Variants in UGDH observed in about 807,000 individuals in gnomAD.
UGDH encodes the protein UDP-Glc dehydrogenase.
A neutral mutation model predicts 50.6 loss-of-function variants in UGDH; 38 were observed. The observed-to-expected ratio is 0.75, with a 90% CI of 0.58 to 0.98. UGDH has a LOEUF of 0.98. Ranked by LOEUF, UGDH falls within the 50% of genes least tolerant of loss-of-function variation. UGDH has a pLI of 0.00. For missense variants in UGDH, 465 were observed against 606.2 expected, an observed-to-expected ratio of 0.77 and a Z score of 2.45; for synonymous variants, 168 against 199.9, an observed-to-expected ratio of 0.84 and a Z score of 1.35.
At chr4:39,501,190 A>C (rs1398168799) in intron 11 of UGDH, among the ~76,000 whole-genome samples, 1 of 144,576 alleles carries the variant, frequency 6.9e-6, no homozygotes, top group African/African-American at 2.6e-5. Context: ...CTGGTCTCGA[A>C]CTCCTGACTT....
At chr4:39,522,984 A>G (rs1159433993) in intron 1 of UGDH, among the ~76,000 whole-genome samples, 1 of 151,748 alleles carries the variant, frequency 6.6e-6, no homozygotes, top group African/African-American at 2.4e-5. Context: ...GATGGTCTGG[A>G]TTTCTTGACC....
chr4:39,500,097 A>G lies in UGDH; in HGVS notation c.*46T>C. ...AGCAGATAGATATTTGCTATCCTGA[A>G]GTACCAAAAAAAAAAAAAAAAAATC... On this transcript the variant is annotated 3_prime_UTR_variant, in exon 12 of 12. Transcript: ENST00000316423. 9.0e-7 allele frequency: 1 copy of G among 1,116,356 alleles called. No homozygotes were observed. Among genetic ancestry groups the G allele is most frequent in the Non-Finnish European group, 1.3e-6 (1 of 795,104 alleles). 69.2% of individuals were successfully genotyped at this position (1,116,356 alleles called of 1,614,324 possible).
chr4:39,505,842 C>A, intron 7 of UGDH, 94 bp from the exon 8 acceptor site: 10 of 1,225,626 alleles, frequency 8.2e-6, no homozygotes, highest in South Asian at 2.3e-5. Context: ...TGCTATTGTA[C>A]AAATACAATG....
chr4:39,510,401 T>C lies in UGDH; in HGVS notation c.615A>G (p.Arg205=), dbSNP rs1578269809. 1 of 1,614,192 alleles carries C rather than the reference T, an allele frequency of 6.2e-7. No individual in the cohort carries two copies. The highest frequency in any genetic ancestry group is 1.1e-5 in the South Asian group (1 of 91,078). The change falls in exon 5 of 12, where the codon AGA becomes AGG. Residue 205 remains arginine, a synonymous_variant. Coordinates refer to ENST00000316423, the MANE Select transcript of UGDH (RefSeq NM_003359.4). ...LCAVYEHWVP[R]EKILTTNTWS... is the part of the protein sequence containing the mutation. Reference sequence around the variant, plus strand: ...AAGTATTAGTGGTGAGGATCTTTTCTCTGGGAACCCAGTGCTCATATACAG... The same window carrying C: ...AAGTATTAGTGGTGAGGATCTTTTCCCTGGGAACCCAGTGCTCATATACAG...
intron 4 of UGDH, 45 bp from the exon 5 acceptor site, chr4:39,510,595 TG>T (rs769168824): frequency 6.2e-7 from 1 of 1,613,864 alleles, no homozygotes; most frequent in Non-Finnish European, 8.5e-7. Context: ...GAATTAATTA[TG>T]GGCAACTTTA....
chr4:39,510,314 G>A lies in UGDH; in HGVS notation c.663+39C>T, dbSNP rs780212743. 12 of 1,584,136 alleles carry A rather than the reference G, an allele frequency of 7.6e-6. No homozygotes were observed. In the East Asian group the frequency reaches 2.5e-4, roughly 33 times the overall value. Reference sequence around the variant, plus strand: ...TCAGGCTTGAAATAAATAAATATTTGGCTTTAATTTAATGAAGAGTTGAAT... The same window carrying A: ...TCAGGCTTGAAATAAATAAATATTTAGCTTTAATTTAATGAAGAGTTGAAT... On this transcript the variant is annotated intron_variant, in intron 5 of 11. Coordinates refer to ENST00000316423, the MANE Select transcript of UGDH (RefSeq NM_003359.4).
intron 5 of UGDH, 98 bp from the exon 6 acceptor site, chr4:39,510,005 G>A: frequency 7.3e-7 from 1 of 1,362,062 alleles, no homozygotes. Context: ...ATTACTGAGG[G>A]AGATATATAA....
chr4:39,523,422 G>C (rs529353029), intron 1 of UGDH, among the ~76,000 whole-genome samples: 1 of 152,126 alleles, frequency 6.6e-6, no homozygotes, highest in African/African-American at 2.4e-5. Context: ...ACAGAATTTT[G>C]AATTATATGA....
At chr4:39,519,106 G>A (rs1046615577) in intron 2 of UGDH, among the ~76,000 whole-genome samples, 26 of 152,004 alleles carry the variant, frequency 1.7e-4, no homozygotes, top group African/African-American at 5.8e-4. Context: ...TAGTAGAGAC[G>A]AGGTTTTGCC....
chr4:39,517,378 TG>T (rs1434464966), intron 2 of UGDH, among the ~76,000 whole-genome samples: 4 of 152,064 alleles, frequency 2.6e-5, no homozygotes, highest in Non-Finnish European at 4.4e-5. Flanking sequence ...AATTTTTTTT[TG>T]TATTTTTTTA....
At position 39,516,153 on chromosome 4, in the gene UGDH, G is replaced by A. The variant is rs146820175; in HGVS notation, c.163-1969C>T. ...TTAAAAAATAGCTGGGCATGGTGGC[G>A]CTTGCCTGTAGTCCCAACTATTCAG... On this transcript the variant is annotated intron_variant, in intron 2 of 11. Coordinates refer to ENST00000316423, the MANE Select transcript of UGDH (RefSeq NM_003359.4). Among the ~76,000 whole-genome samples the A allele has an allele frequency of 6.2e-3, 939 of 152,200 alleles. 8 individuals carry two copies. Among genetic ancestry groups the A allele is most frequent in the African/African-American group, 0.021 (880 of 41,530 alleles).
chr4:39,520,205 G>C (rs375666635), intron 2 of UGDH, among the ~76,000 whole-genome samples: 19 of 152,276 alleles, frequency 1.2e-4, no homozygotes, highest in African/African-American at 4.3e-4. Flanking sequence ...TGGGAGTGGT[G>C]GTGGGCACCT....
Position 39,504,526 on chromosome 4 carries a change from A to T in UGDH, c.1172-18T>A. 1.9e-6 allele frequency: 3 copies of T among 1,603,584 alleles called. No individual in the cohort carries two copies. Among genetic ancestry groups the T allele is most frequent in the Non-Finnish European group, 1.7e-6 (2 of 1,171,812 alleles). ...CCGGGACACTGTAACAATAGCAACA[A>T]CAAAAAAACAGAAATAAGAAAGGAG... On this transcript the variant is annotated intron_variant, in intron 9 of 11. Transcript: ENST00000316423.
chr4:39,512,250 G>C (rs1746275173), intron 3 of UGDH, among the ~76,000 whole-genome samples: 1 of 152,292 alleles, frequency 6.6e-6, no homozygotes, highest in South Asian at 2.1e-4. Flanking sequence ...TGAACTAATA[G>C]TAAGTAGTAC....
chr4:39,503,431 C>G (rs1435157169), intron 11 of UGDH, among the ~76,000 whole-genome samples: 1 of 152,146 alleles, frequency 6.6e-6, no homozygotes, highest in Non-Finnish European at 1.5e-5. Flanking sequence ...AGCACTGGCA[C>G]AGTGCTGAGT....
intron 11 of UGDH, among the ~76,000 whole-genome samples, chr4:39,500,653 C>CTTTTTTTTTTTTTTTTTTTTTTT (rs11284301): frequency 3.0e-5 from 4 of 135,224 alleles, no homozygotes; most frequent in Non-Finnish European, 1.6e-5. Context: ...GCATAATTCT[C>CTTTTTTTTTTTTTTTTTTTTTTT]TTTTTTTTTT....
chr4:39,502,779 C>G lies in UGDH; in HGVS notation c.1374+1096G>C, dbSNP rs141682170. Reference sequence around the variant, plus strand: ...TTTTGTTTTTTGAGGCAGGGTCTTGCTCTGTCACCCAGGCTGGCATGCAAT... The same window carrying G: ...TTTTGTTTTTTGAGGCAGGGTCTTGGTCTGTCACCCAGGCTGGCATGCAAT... On this transcript the variant is annotated intron_variant, in intron 11 of 11. Coordinates refer to ENST00000316423, the MANE Select transcript of UGDH (RefSeq NM_003359.4). 3.0e-3 allele frequency among the ~76,000 whole-genome samples: 457 copies of G among 152,254 alleles called. 1 individual carries two copies. Among genetic ancestry groups the G allele is most frequent in the African/African-American group, 0.01 (434 of 41,538 alleles).
At position 39,503,730 on chromosome 4, in the gene UGDH, AG is replaced by A. The variant is rs970109429; in HGVS notation, c.1374+144del. On this transcript the variant is annotated intron_variant, in intron 11 of 11. Coordinates refer to ENST00000316423, the MANE Select transcript of UGDH (RefSeq NM_003359.4). ...CCCCAAAAGAACTTCCCTAGAAAGA[AG>A]GTATCATCTTAATTAGCCAAACATA... is the stretch of plus-strand genomic sequence containing the variant. The A allele has an allele frequency of 5.3e-6, 3 of 571,004 alleles. No individual in the cohort carries two copies. The African/African-American group carries it at 5.8e-5, about 11-fold the overall frequency. The allele number at this position is 571,004 out of a possible 1,614,324, so 35.4% of individuals were successfully genotyped here.
chr4:39,522,366 C>T (rs1746697490), intron 1 of UGDH, among the ~76,000 whole-genome samples: 1 of 152,206 alleles, frequency 6.6e-6, no homozygotes, highest in African/African-American at 2.4e-5. Flanking sequence ...AGACCTCAGA[C>T]ATCATCTAAT....
Sources: allele counts gnomAD v4.1 joint callset (sites outside exome capture counted in the v4.1 genomes callset), GRCh38; gene constraint gnomAD v4.1.1; transcripts MANE v1.5; gene names NCBI Gene and HGNC (gene_info 2026-07-23, HGNC 2026-07-21).